Variants in EIF4ENIF1 observed in about 807,000 individuals in gnomAD.
EIF4ENIF1 encodes the protein eukaryotic translation initiation factor 4E nuclear import factor 1.
In EIF4ENIF1, 23 loss-of-function variants were observed where a neutral mutation model predicts 110.5. The observed-to-expected ratio is 0.21, with a 90% CI of 0.15 to 0.29. The LOEUF is 0.29. Ranked by LOEUF, EIF4ENIF1 falls within the 10% of genes least tolerant of loss-of-function variation. The pLI is 1.00. For missense variants in EIF4ENIF1, 1,031 were observed against 1,221.1 expected, an observed-to-expected ratio of 0.84 and a Z score of 2.32; for synonymous variants, 440 against 437.0, an observed-to-expected ratio of 1.01 and a Z score of -0.09.
At chr22:31,486,827 TC>T (rs575795454) in intron 2 of EIF4ENIF1, among the ~76,000 whole-genome samples, 480 of 151,858 alleles carry the variant, frequency 3.2e-3, no homozygotes, top group African/African-American at 0.011. Flanking sequence ...ACGCCTGTGA[TC>T]CCAGCACTTT....
chr22:31,465,247 T>C (rs546417179), intron 4 of EIF4ENIF1, among the ~76,000 whole-genome samples: 1 of 146,406 alleles, frequency 6.8e-6, no homozygotes, highest in East Asian at 2.0e-4. Context: ...CGCTTAAACC[T>C]GGGAAGTGGA....
chr22:31,450,895 A>AC (rs61651683), intron 10 of EIF4ENIF1: 2,282 of 152,466 alleles, frequency 0.015, 58 homozygotes, highest in East Asian at 0.056. Flanking sequence ...ACACACACAC[A>AC]AAAGAGACAG....
chr22:31,480,669 C>T (rs1003873052), intron 2 of EIF4ENIF1, among the ~76,000 whole-genome samples: 13 of 152,016 alleles, frequency 8.6e-5, no homozygotes, highest in Admixed American at 2.6e-4. Flanking sequence ...GCAGGAGAAT[C>T]GCTTGAACCC....
In EIF4ENIF1 at chr22:31,447,316, T is replaced by C. The variant is rs1485501879; in HGVS notation, c.1988+110A>G. On this transcript the variant is annotated intron_variant, in intron 14 of 18. Transcript: ENST00000330125. ...GGATTGGGATGGAATTTCTACCACA[T>C]ACTGAACATACCACAGTATGTACAA... 3.8e-6 allele frequency: 5 copies of C among 1,315,240 alleles called. No homozygotes were observed. In the African/African-American group the frequency reaches 4.4e-5, roughly 12 times the overall value. 81.5% of individuals were successfully genotyped at this position (1,315,240 alleles called of 1,614,324 possible).
At chr22:31,487,651 G>A (rs1015077376) in intron 2 of EIF4ENIF1, among the ~76,000 whole-genome samples, 1 of 151,976 alleles carries the variant, frequency 6.6e-6, no homozygotes, top group Non-Finnish European at 1.5e-5. Flanking sequence ...TTAGCCGAGC[G>A]TACTGGTGCA....
chr22:31,462,779 C>CA (rs2051037889), intron 6 of EIF4ENIF1, among the ~76,000 whole-genome samples, 153 bp downstream of exon 6: 1 of 152,096 alleles, frequency 6.6e-6, no homozygotes, highest in African/African-American at 2.4e-5. Context: ...GACGGGGTTT[C>CA]ACCATGTTGG....
chr22:31,464,675 C>CAAAAAAAAAAAAAAAAAAAAAAA (rs770904708), intron 4 of EIF4ENIF1, among the ~76,000 whole-genome samples: 3 of 30,924 alleles, frequency 9.7e-5, no homozygotes, highest in Admixed American at 3.5e-4. Context: ...GATTCAGTCT[C>CAAAAAAAAAAAAAAAAAAAAAAA]AAAAAAAAAA....
At chr22:31,488,558 G>T in intron 2 of EIF4ENIF1, 65 bp downstream of exon 2, 1 of 1,599,132 alleles carries the variant, frequency 6.3e-7, no homozygotes, top group South Asian at 1.1e-5. Flanking sequence ...GAATGAAATA[G>T]TTATACAATG....
chr22:31,477,968 G>A lies in EIF4ENIF1; in HGVS notation c.97-6051C>T, dbSNP rs575102386. On this transcript the variant is annotated intron_variant, in intron 2 of 18. Coordinates refer to ENST00000330125, the MANE Select transcript of EIF4ENIF1 (RefSeq NM_019843.4). ...GATGCATTTGTGCAATTTCTGCAGT[G>A]AATGTTCACACCTTCAAAAGATTTC... Among the ~76,000 whole-genome samples the A allele has an allele frequency of 2.6e-5, 4 of 152,312 alleles. No homozygotes were observed. The East Asian group carries it at 7.7e-4, about 29-fold the overall frequency.
At chr22:31,490,743 T>C (rs2146134719), upstream of EIF4ENIF1, among the ~76,000 whole-genome samples, 1 of 152,308 alleles carries the variant, frequency 6.6e-6, no homozygotes, top group Middle Eastern at 3.4e-3. Flanking sequence ...GGAAGTCCTA[T>C]GTGCTGGAAT....
chr22:31,478,031 A>G (rs907839030), intron 2 of EIF4ENIF1, among the ~76,000 whole-genome samples: 1 of 152,180 alleles, frequency 6.6e-6, no homozygotes, highest in Non-Finnish European at 1.5e-5. Context: ...ATTGCTTCCA[A>G]CTGAGCATGT....
Position 31,478,515 on chromosome 22 carries a change from C to CAAAAAAAA in EIF4ENIF1, c.97-6606_97-6599dup, listed in dbSNP as rs35883412. On this transcript the variant is annotated intron_variant, in intron 2 of 18. Coordinates refer to ENST00000330125, the MANE Select transcript of EIF4ENIF1 (RefSeq NM_019843.4). Reference sequence around the variant, plus strand: ...TGGGTGACAGAGCAAGACTCTGTCTCAAAAAAAAAAAAAAAAAAAATGCTG... The same window carrying CAAAAAAAA: ...TGGGTGACAGAGCAAGACTCTGTCTCAAAAAAAAAAAAAAAAAAAAAAAAAAAATGCTG... 3.4e-5 allele frequency among the ~76,000 whole-genome samples: 3 copies of CAAAAAAAA among 87,730 alleles called. 1 individual carries two copies. The highest frequency in any genetic ancestry group is 4.1e-5 in the Non-Finnish European group (2 of 48,250). 57.6% of individuals were successfully genotyped at this position (87,730 alleles called of 152,430 possible). A position where few individuals can be genotyped will look rare whatever the true frequency, so the allele number is the denominator to read the frequency against.
intron 12 of EIF4ENIF1, among the ~76,000 whole-genome samples, chr22:31,449,072 G>A (rs927048427): frequency 2.0e-5 from 3 of 152,076 alleles, no homozygotes; most frequent in East Asian, 1.9e-4. Context: ...GTACAGTGGC[G>A]TGATCTTGGC....
At chr22:31,444,845 A>G (rs1194611378) in intron 14 of EIF4ENIF1, among the ~76,000 whole-genome samples, 155 bp from the exon 15 acceptor site, 2 of 152,240 alleles carry the variant, frequency 1.3e-5, no homozygotes, top group East Asian at 3.8e-4. Flanking sequence ...ACACAAAAGC[A>G]CATGCTAAGC....
intron 8 of EIF4ENIF1, among the ~76,000 whole-genome samples, 158 bp downstream of exon 8, chr22:31,455,694 G>A (rs998375788): frequency 2.0e-5 from 3 of 152,044 alleles, no homozygotes; most frequent in Non-Finnish European, 2.9e-5. Flanking sequence ...CACTGCACCC[G>A]GCCCCTTCAA....
At chr22:31,462,484 C>CAA (rs11418470) in intron 6 of EIF4ENIF1, among the ~76,000 whole-genome samples, 5,484 of 137,206 alleles carry the variant, frequency 0.04, 173 homozygotes, top group Admixed American at 0.087. Context: ...GACTCCGTCT[C>CAA]AAAAAAAAAA....
intron 15 of EIF4ENIF1, among the ~76,000 whole-genome samples, chr22:31,443,757 T>C (rs930852385): frequency 6.6e-6 from 1 of 151,824 alleles, no homozygotes; most frequent in Non-Finnish European, 1.5e-5. Context: ...TTTTTTTCCT[T>C]CTTCTCTATC....
chr22:31,470,713 A>T (rs2051346390), intron 3 of EIF4ENIF1, among the ~76,000 whole-genome samples: 1 of 132,534 alleles, frequency 7.5e-6, no homozygotes. Flanking sequence ...TTGAGATAGG[A>T]TCTCTGTTGC....
intron 2 of EIF4ENIF1, among the ~76,000 whole-genome samples, chr22:31,487,793 C>CAAAAAA (rs35367724): frequency 1.4e-5 from 1 of 69,006 alleles, no homozygotes; most frequent in Non-Finnish European, 3.0e-5. Flanking sequence ...CTGTCGGGTG[C>CAAAAAA]AAAAAAAAAA....
Sources: allele counts gnomAD v4.1 joint callset (sites outside exome capture counted in the v4.1 genomes callset), GRCh38; gene constraint gnomAD v4.1.1; transcripts MANE v1.5; gene names NCBI Gene and HGNC (gene_info 2026-07-23, HGNC 2026-07-21).